Variants in KLHL24 observed in about 807,000 individuals in gnomAD.
KLHL24 encodes kelch-like protein 24.
KLHL24 carries 29 observed loss-of-function variants against 53.4 expected under a neutral mutation model. The observed-to-expected ratio is 0.54, with a 90% CI of 0.40 to 0.74. The LOEUF is 0.74. Ranked by LOEUF, KLHL24 falls within the 30% of genes least tolerant of loss-of-function variation. The pLI, the probability that KLHL24 is intolerant of heterozygous loss-of-function variation, is 0.00. For synonymous variants in KLHL24, 222 were observed against 253.7 expected, an observed-to-expected ratio of 0.88 and a Z score of 1.19; for missense variants, 504 against 744.0, an observed-to-expected ratio of 0.68 and a Z score of 3.75.
At chr3:183,669,387 G>A (rs1173488305) in intron 5 of KLHL24, among the ~76,000 whole-genome samples, 1 of 152,082 alleles carries the variant, frequency 6.6e-6, no homozygotes, top group South Asian at 2.1e-4. Context: ...AAATAAATTT[G>A]AGTCTCCAAA....
chr3:183,682,161 G>A lies in KLHL24; in HGVS notation c.*2875G>A, dbSNP rs899819287. 6.6e-6 allele frequency: 1 copy of A among 151,950 alleles called. No homozygotes were observed. The highest frequency in any genetic ancestry group is 2.4e-5 in the African/African-American group (1 of 41,448). The allele number at this position is 151,950 out of a possible 1,614,324, so 9.4% of individuals were successfully genotyped here. ...ACAATTTAGTTTTACAAGGTCAGAAGAGATGAGTTTGCTAAACCCAGCTGT... is the reference window on the plus strand; with the variant it reads ...ACAATTTAGTTTTACAAGGTCAGAAAAGATGAGTTTGCTAAACCCAGCTGT... On this transcript the variant is annotated 3_prime_UTR_variant, in exon 8 of 8. Transcript: ENST00000242810.
rs775995302 is a variant in KLHL24 at position 183,665,072 on chromosome 3, G to T, written c.1224+33G>T. 6 of 1,109,850 alleles carry T rather than the reference G, an allele frequency of 5.4e-6. No homozygotes were observed. The Admixed American group carries it at 8.7e-5, about 16-fold the overall frequency. 68.8% of individuals were successfully genotyped at this position (1,109,850 alleles called of 1,614,324 possible). ...AAACCACTTTTTATTACTATTGCTG[G>T]TACCTTTCCAAAGTAAATACCACAG... On this transcript the variant is annotated intron_variant, in intron 5 of 7. Coordinates refer to ENST00000242810, the MANE Select transcript of KLHL24 (RefSeq NM_017644.3).
intron 5 of KLHL24, among the ~76,000 whole-genome samples, chr3:183,669,668 G>A (rs1386078380): frequency 6.6e-6 from 1 of 152,116 alleles, no homozygotes; most frequent in East Asian, 1.9e-4. Flanking sequence ...AAATTTGAAG[G>A]ACAAGTTATG....
At chr3:183,665,120 C>T (rs1173686707) in intron 5 of KLHL24, 81 bp downstream of exon 5, 11 of 736,896 alleles carry the variant, frequency 1.5e-5, no homozygotes, top group East Asian at 2.5e-5. Context: ...TTTTACTCAC[C>T]CTCTGGGTAT....
intron 5 of KLHL24, among the ~76,000 whole-genome samples, chr3:183,669,841 C>T (rs916438883): frequency 2.6e-5 from 4 of 151,912 alleles, no homozygotes; most frequent in Non-Finnish European, 5.9e-5. Flanking sequence ...GTGATGGCAG[C>T]GGGAAACGTA....
At chr3:183,639,845 A>AAACC (rs759025337) in intron 1 of KLHL24, among the ~76,000 whole-genome samples, 171 of 116,178 alleles carry the variant, frequency 1.5e-3, no homozygotes, top group Middle Eastern at 8.1e-3. Context: ...TCTCCACTAA[A>AAACC]AACCAAACAA....
intron 2 of KLHL24, among the ~76,000 whole-genome samples, chr3:183,644,677 T>C (rs2108775134): frequency 6.6e-6 from 1 of 152,282 alleles, no homozygotes; most frequent in East Asian, 1.9e-4. Context: ...AAGGGGCAGA[T>C]AATAGCATAA....
intron 2 of KLHL24, among the ~76,000 whole-genome samples, chr3:183,647,203 G>A (rs1717407919): frequency 6.6e-6 from 1 of 151,414 alleles, no homozygotes; most frequent in Admixed American, 6.6e-5. Flanking sequence ...GGTGGATCAC[G>A]AGGTCATATT....
chr3:183,660,069 T>C (rs935796717), intron 3 of KLHL24, among the ~76,000 whole-genome samples: 2 of 151,802 alleles, frequency 1.3e-5, no homozygotes, highest in African/African-American at 4.8e-5. Flanking sequence ...AAATGCTAAT[T>C]AACAAATTAG....
In KLHL24 at chr3:183,658,528, T is replaced by C. The variant is rs192562392; in HGVS notation, c.921-4930T>C. Among the ~76,000 whole-genome samples the C allele has an allele frequency of 1.1e-3, 166 of 152,330 alleles. 1 individual carries two copies. Among genetic ancestry groups the C allele is most frequent in the African/African-American group, 3.8e-3 (156 of 41,582 alleles). On this transcript the variant is annotated intron_variant, in intron 3 of 7. Transcript: ENST00000242810. ...TTTTGCCATTGCAAGTGATACTTAG[T>C]GAATATTCTTGTACATTATCTTTGC...
At chr3:183,637,012 GAAGTCCTGCGAAC>G (rs1203028444) in intron 1 of KLHL24, among the ~76,000 whole-genome samples, 1 of 152,178 alleles carries the variant, frequency 6.6e-6, no homozygotes, top group Non-Finnish European at 1.5e-5. Context: ...TGGTTCGCAG[GAAGTCCTGCGAAC>G]ACGTTGTTGC....
chr3:183,664,340 T>A (rs1035944556), intron 4 of KLHL24, among the ~76,000 whole-genome samples: 2 of 152,346 alleles, frequency 1.3e-5, no homozygotes, highest in East Asian at 3.9e-4. Context: ...GAAATAAGAT[T>A]TGCTTTAAAA....
intron 3 of KLHL24, among the ~76,000 whole-genome samples, chr3:183,655,051 T>C (rs1307555052): frequency 6.6e-6 from 1 of 152,234 alleles, no homozygotes; most frequent in Non-Finnish European, 1.5e-5. Flanking sequence ...AGTTATATGC[T>C]CTATATCAGC....
At position 183,665,050 on chromosome 3, in the gene KLHL24, C is replaced by G. The variant is rs778537822; in HGVS notation, c.1224+11C>G. 3 of 1,396,984 alleles carry G rather than the reference C, an allele frequency of 2.1e-6. No individual in the cohort carries two copies. Among genetic ancestry groups the G allele is most frequent in the Non-Finnish European group, 3.0e-6 (3 of 985,436 alleles). The allele number at this position is 1,396,984 out of a possible 1,614,324, so 86.5% of individuals were successfully genotyped here. A position where few individuals can be genotyped will look rare whatever the true frequency, so the allele number is the denominator to read the frequency against. On this transcript the variant is annotated intron_variant, in intron 5 of 7. Coordinates refer to ENST00000242810, the MANE Select transcript of KLHL24 (RefSeq NM_017644.3). ...GTCCTCCTTGGTAAAGTAAGAGAAA[C>G]CACTTTTTATTACTATTGCTGGTAC...
At chr3:183,673,297 A>G (rs1224833374) in intron 7 of KLHL24, among the ~76,000 whole-genome samples, 4 of 152,172 alleles carry the variant, frequency 2.6e-5, no homozygotes, top group Non-Finnish European at 4.4e-5. Flanking sequence ...GCATATGGCA[A>G]CCTGTTTTGA....
chr3:183,645,733 C>G (rs1210085674), intron 2 of KLHL24, among the ~76,000 whole-genome samples: 1 of 152,094 alleles, frequency 6.6e-6, no homozygotes, highest in Non-Finnish European at 1.5e-5. Context: ...CTAAAATCTG[C>G]AAAACATAAT....
chr3:183,655,936 A>G (rs911980331), intron 3 of KLHL24, among the ~76,000 whole-genome samples: 1 of 151,656 alleles, frequency 6.6e-6, no homozygotes, highest in African/African-American at 2.4e-5. Context: ...TTAAAAAAAA[A>G]TTATTATTAA....
At chr3:183,665,768 T>TA (rs937726808) in intron 5 of KLHL24, among the ~76,000 whole-genome samples, 1 of 151,454 alleles carries the variant, frequency 6.6e-6, no homozygotes, top group African/African-American at 2.4e-5. Flanking sequence ...AAAATAAAAA[T>TA]AAAAAAACTC....
At chr3:183,641,003 G>A (rs987498335) in intron 1 of KLHL24, among the ~76,000 whole-genome samples, 4 of 152,068 alleles carry the variant, frequency 2.6e-5, no homozygotes, top group Admixed American at 2.0e-4. Flanking sequence ...CATTACATTT[G>A]TAAAACATGG....
Sources: allele counts gnomAD v4.1 joint callset (sites outside exome capture counted in the v4.1 genomes callset), GRCh38; gene constraint gnomAD v4.1.1; transcripts MANE v1.5; gene names NCBI Gene and HGNC (gene_info 2026-07-23, HGNC 2026-07-21).